RUBCNL: variants seen among roughly 807,000 people sequenced by gnomAD.
RUBCNL encodes rubicon like autophagy enhancer.
RUBCNL carries 62 observed loss-of-function variants against 69.5 expected under a neutral mutation model. That is an observed-to-expected ratio of 0.89 (90% CI 0.73 to 1.10). The LOEUF is 1.10. RUBCNL is among the 50% of genes least tolerant of loss of function. The pLI is 0.00. For synonymous variants in RUBCNL, 291 were observed against 303.6 expected (o/e 0.96, Z 0.43); for missense variants, 768 against 798.1 (o/e 0.96, Z 0.45).
intron 3 of RUBCNL, among the ~76,000 whole-genome samples, chr13:46,370,329 C>T (rs367561345): frequency 6.6e-6 from 1 of 152,162 alleles, no homozygotes; most frequent in Non-Finnish European, 1.5e-5. Context: ...TTAAGAAATG[C>T]TTACAGAGGC....
chr13:46,354,835 G>A (rs1336013731), intron 10 of RUBCNL: 1 of 456,616 alleles, frequency 2.2e-6, no homozygotes, highest in Non-Finnish European at 4.4e-6. Context: ...GTACAAAAGT[G>A]CAGACACACA....
In RUBCNL at chr13:46,336,922, A is replaced by C. The variant is rs903129109; in HGVS notation, c.*6463T>G. Among the ~76,000 whole-genome samples the C allele has an allele frequency of 2.6e-5, 4 of 151,322 alleles. No homozygotes were observed. Among genetic ancestry groups the C allele is most frequent in the African/African-American group, 9.7e-5 (4 of 41,154 alleles). ...CTAGATAATATGGATAACTCAGAGG[A>C]GTAGAATAGTTTTTGATGTCTGCAT... On this transcript the variant is annotated 3_prime_UTR_variant, in exon 15 of 15. Transcript: ENST00000429979.
intron 8 of RUBCNL, among the ~76,000 whole-genome samples, chr13:46,361,182 G>T (rs544735641): frequency 6.6e-6 from 1 of 152,078 alleles, no homozygotes; most frequent in Non-Finnish European, 1.5e-5. Flanking sequence ...CTGAGATTGC[G>T]CCACTGCACT....
At chr13:46,357,628 T>C (rs1237890883) in intron 9 of RUBCNL, among the ~76,000 whole-genome samples, 2 of 133,744 alleles carry the variant, frequency 1.5e-5, no homozygotes, top group African/African-American at 6.0e-5. Flanking sequence ...AGGAATTTTC[T>C]TTCTTTTTTT....
chr13:46,386,874 G>A (rs1223987101), intron 1 of RUBCNL, among the ~76,000 whole-genome samples: 1 of 152,102 alleles, frequency 6.6e-6, no homozygotes, highest in East Asian at 1.9e-4. Context: ...GGCCCAAGCC[G>A]AACACAGGGT....
intron 1 of RUBCNL, among the ~76,000 whole-genome samples, chr13:46,384,890 C>T (rs371218620): frequency 1.3e-5 from 2 of 152,162 alleles, no homozygotes; most frequent in South Asian, 4.1e-4. Flanking sequence ...AAAGTGATGA[C>T]CACATAGCCA....
chr13:46,380,845 C>A (rs1440617345), intron 1 of RUBCNL, among the ~76,000 whole-genome samples: 1 of 151,956 alleles, frequency 6.6e-6, no homozygotes, highest in Non-Finnish European at 1.5e-5. Flanking sequence ...ACTTTGGGGA[C>A]CACCACTAAA....
In RUBCNL at chr13:46,337,294, G is replaced by A. The variant is rs1195604967; in HGVS notation, c.*6091C>T. 2.6e-5 allele frequency among the ~76,000 whole-genome samples: 4 copies of A among 151,918 alleles called. No individual in the cohort carries two copies. The highest frequency in any genetic ancestry group is 1.9e-4 in the East Asian group (1 of 5,170). ...AGTAGCTGGGATTACAGGCACTTGC[G>A]ACCACACCTAATTTTTGTATTTTTA... On this transcript the variant is annotated 3_prime_UTR_variant, in exon 15 of 15. Coordinates refer to ENST00000429979, the MANE Select transcript of RUBCNL (RefSeq NM_025113.5).
rs2048125400 is a variant in RUBCNL at position 46,339,396 on chromosome 13, T to C, written c.*3989A>G. Reference sequence around the variant, plus strand: ...CACTTCACCCTCCTTTGGCGATGAGTTCAGGAAGGCTTCCTGCAGGTAGCA... The same window carrying C: ...CACTTCACCCTCCTTTGGCGATGAGCTCAGGAAGGCTTCCTGCAGGTAGCA... On this transcript the variant is annotated 3_prime_UTR_variant, in exon 15 of 15. Coordinates refer to ENST00000429979, the MANE Select transcript of RUBCNL (RefSeq NM_025113.5). Among the ~76,000 whole-genome samples, 2 of 152,166 alleles carry C rather than the reference T, an allele frequency of 1.3e-5. No homozygotes were observed. Among genetic ancestry groups the C allele is most frequent in the Non-Finnish European group, 2.9e-5 (2 of 68,024 alleles).
chr13:46,381,933 C>A (rs1442493014), intron 1 of RUBCNL, among the ~76,000 whole-genome samples: 1 of 152,088 alleles, frequency 6.6e-6, no homozygotes, highest in African/African-American at 2.4e-5. Context: ...GCCTTTAGAG[C>A]AGCTAGGACC....
chr13:46,362,659 C>A, intron 6 of RUBCNL, 61 bp from the exon 7 acceptor site: 1 of 1,191,022 alleles, frequency 8.4e-7, no homozygotes, highest in Non-Finnish European at 1.2e-6. Context: ...TAATCGCAGT[C>A]CATTTTATAA....
At chr13:46,369,055 G>A (rs727487) in intron 3 of RUBCNL, among the ~76,000 whole-genome samples, 68,557 of 151,952 alleles carry the variant, frequency 0.45, 15,733 homozygotes, top group East Asian at 0.59. Context: ...CTCAGCCACC[G>A]GAGTGGAGGA....
Position 46,372,136 on chromosome 13 carries a change from T to A in RUBCNL, c.340A>T (p.Ser114Cys). Residue 114 changes from serine to cysteine, a missense_variant, in exon 3 of 15, where the codon AGC becomes TGC. Ser to Cys is a moderately radical substitution (Grantham distance 112). Transcript: ENST00000429979. The stretch of plus-strand genomic sequence containing the variant: ...TCACTCGAGCCATGGGGAGAAGCGC[T>A]GCCAACGGAGTCTGTGGTATCCTCA... ...LSEDTTDSVGSASPHGSSEKS... is the reference protein window; with the variant it reads ...LSEDTTDSVGCASPHGSSEKS... 1.2e-6 allele frequency: 2 copies of A among 1,614,018 alleles called. No homozygotes were observed. The highest frequency in any genetic ancestry group is 1.7e-6 in the Non-Finnish European group (2 of 1,179,892).
chr13:46,366,027 G>A (rs759869314), intron 5 of RUBCNL, among the ~76,000 whole-genome samples: 5 of 152,220 alleles, frequency 3.3e-5, no homozygotes, highest in South Asian at 2.1e-4. Context: ...AAGTGATTAC[G>A]ACTGAGAAGT....
chr13:46,356,547 AT>A (rs2048489634), intron 9 of RUBCNL, 51 bp from the exon 10 acceptor site: 3 of 1,482,614 alleles, frequency 2.0e-6, no homozygotes, highest in Non-Finnish European at 2.8e-6. Flanking sequence ...CCAATGGCAC[AT>A]TTTTCACTAA....
At chr13:46,344,548 C>A (rs575962182) in intron 14 of RUBCNL, among the ~76,000 whole-genome samples, 193 bp downstream of exon 14, 1 of 152,324 alleles carries the variant, frequency 6.6e-6, no homozygotes, top group East Asian at 1.9e-4. Context: ...CCCAAATACT[C>A]CTCCTTCTGT....
chr13:46,385,093 G>A (rs2049208053), intron 1 of RUBCNL, among the ~76,000 whole-genome samples: 1 of 152,184 alleles, frequency 6.6e-6, no homozygotes, highest in Non-Finnish European at 1.5e-5. Context: ...TTTGAGCAAT[G>A]CTCTTAACCT....
upstream of RUBCNL, among the ~76,000 whole-genome samples, chr13:46,388,080 C>T (rs1258065621): frequency 6.7e-6 from 1 of 149,058 alleles, no homozygotes; most frequent in South Asian, 2.1e-4. Flanking sequence ...AGCGTGGTGG[C>T]GGGTGCCTGT....
intron 6 of RUBCNL, 47 bp from the exon 7 acceptor site, chr13:46,362,645 C>G: frequency 1.5e-6 from 2 of 1,333,326 alleles, no homozygotes; most frequent in Non-Finnish European, 2.1e-6. Flanking sequence ...TAGTCTGTTT[C>G]ATTTAATCGC....
Sources: gnomAD v4.1 joint callset for allele counts (sites outside exome capture counted in the v4.1 genomes callset) on GRCh38, gnomAD v4.1.1 for gene constraint, MANE v1.5 for transcripts, NCBI Gene and HGNC (gene_info 2026-07-23, HGNC 2026-07-21) for gene names.